Variants in IQSEC1 observed in about 807,000 individuals in gnomAD.
IQSEC1 encodes the protein IQ motif and SEC7 domain-containing protein 1.
In IQSEC1, 31 loss-of-function variants were observed where a neutral mutation model predicts 91.0. The observed-to-expected ratio is 0.34, with a 90% CI of 0.26 to 0.46. IQSEC1 has a LOEUF of 0.46. Ranked by LOEUF, IQSEC1 falls within the 20% of genes least tolerant of loss-of-function variation. The pLI, the probability that IQSEC1 is intolerant of heterozygous loss-of-function variation, is 1.00. For synonymous variants in IQSEC1, 699 were observed against 662.6 expected, an observed-to-expected ratio of 1.05 and a Z score of -0.84; for missense variants, 1,388 against 1,575.6, an observed-to-expected ratio of 0.88 and a Z score of 2.02.
In IQSEC1 at chr3:13,030,370, G is replaced by A. The variant is rs534087222; in HGVS notation, c.23+42622C>T. Among the ~76,000 whole-genome samples the A allele has an allele frequency of 4.6e-5, 7 of 152,196 alleles. No individual in the cohort carries two copies. The South Asian group carries it at 6.2e-4, about 13-fold the overall frequency. ...CTGCCTTGGCCTCCCAAAGTACCTG[G>A]ATTATAGGCATGAGCCACCACGCTC... is the stretch of plus-strand genomic sequence containing the variant. On this transcript the variant is annotated intron_variant, in intron 1 of 13. Transcript: ENST00000613206.
chr3:13,227,114 G>A (rs1464191302), intron 1 of IQSEC1, among the ~76,000 whole-genome samples: 14 of 151,762 alleles, frequency 9.2e-5, no homozygotes, highest in Admixed American at 3.9e-4. Flanking sequence ...GGTGGCTCAC[G>A]CCTGTAATCC....
rs2125578800 is a variant in IQSEC1, at chr3:12,979,100, T to G, written c.24-37235A>C. On this transcript the variant is annotated intron_variant, in intron 1 of 13. Coordinates refer to ENST00000613206, the MANE Select transcript of IQSEC1 (RefSeq NM_001134382.3). This position sits in a 1 kb window ranked among gnomAD's most constrained non-coding sequence, Gnocchi z 4.3. ...AAGCAGGAGTGGGAGTGACCTGGGT[T>G]TAGTTTTCCCAACAACCACATAGCA... is the stretch of plus-strand genomic sequence containing the variant. Among the ~76,000 whole-genome samples the G allele has an allele frequency of 6.6e-6, 1 of 152,294 alleles. No homozygotes were observed. The highest frequency in any genetic ancestry group is 3.4e-3 in the Middle Eastern group (1 of 294).
intron 1 of IQSEC1, among the ~76,000 whole-genome samples, chr3:13,192,287 G>A (rs1466363021): frequency 3.3e-5 from 5 of 150,020 alleles, no homozygotes; most frequent in Non-Finnish European, 7.4e-5. Context: ...GCAGTGAGTC[G>A]AGATCGCACC....
chr3:13,199,690 G>T (rs531286079), intron 1 of IQSEC1, among the ~76,000 whole-genome samples: 4 of 152,234 alleles, frequency 2.6e-5, no homozygotes, highest in African/African-American at 7.2e-5. Flanking sequence ...GGCCCCTGAG[G>T]CCCTTAGGAA....
chr3:13,224,206 C>A (rs1694714263), intron 1 of IQSEC1, among the ~76,000 whole-genome samples: 1 of 152,086 alleles, frequency 6.6e-6, no homozygotes, highest in Admixed American at 6.5e-5. Context: ...ACCTCACTAC[C>A]AGGAATGAGT....
chr3:12,958,953 CT>C (rs1334714740), intron 1 of IQSEC1, among the ~76,000 whole-genome samples: 1 of 152,232 alleles, frequency 6.6e-6, no homozygotes, highest in African/African-American at 2.4e-5. Flanking sequence ...TCTAGGATGA[CT>C]TTGGTATTCT....
At chr3:13,269,823 C>G (rs1012804208) in intron 1 of IQSEC1, among the ~76,000 whole-genome samples, 4 of 152,208 alleles carry the variant, frequency 2.6e-5, no homozygotes, top group Non-Finnish European at 4.4e-5. Flanking sequence ...GCAAATTGTC[C>G]CTCCTTCTCC....
At chr3:13,036,676 G>A (rs1178953655) in intron 1 of IQSEC1, among the ~76,000 whole-genome samples, 2 of 152,162 alleles carry the variant, frequency 1.3e-5, no homozygotes, top group Non-Finnish European at 2.9e-5. Flanking sequence ...AGGAAGCTCG[G>A]CCAGCTTCTC....
intron 5 of IQSEC1, among the ~76,000 whole-genome samples, chr3:12,921,486 T>G (rs906172684): frequency 1.3e-5 from 2 of 152,230 alleles, no homozygotes; most frequent in African/African-American, 4.8e-5. Context: ...AATGGATGAC[T>G]GCGTAGTGAC....
chr3:12,979,009 G>A lies in IQSEC1; in HGVS notation c.24-37144C>T, dbSNP rs913288562. The stretch of plus-strand genomic sequence containing the variant: ...TGCATCTACATGGGGCATGAAGTGT[G>A]GGGATGGGTGCGCTGTGGGGCATGA... On this transcript the variant is annotated intron_variant, in intron 1 of 13. Coordinates refer to ENST00000613206, the MANE Select transcript of IQSEC1 (RefSeq NM_001134382.3). This position sits in a 1 kb window ranked among gnomAD's most constrained non-coding sequence, Gnocchi z 4.3. 2.6e-5 allele frequency among the ~76,000 whole-genome samples: 4 copies of A among 152,208 alleles called. No homozygotes were observed. Among genetic ancestry groups the A allele is most frequent in the Admixed American group, 2.6e-4 (4 of 15,286 alleles).
chr3:13,115,740 C>T (rs1706324217), intron 2 of IQSEC1, among the ~76,000 whole-genome samples: 1 of 152,220 alleles, frequency 6.6e-6, no homozygotes, highest in South Asian at 2.1e-4. Context: ...TCTCCGGGCG[C>T]TGAATGCACG....
intron 1 of IQSEC1, among the ~76,000 whole-genome samples, chr3:13,268,013 G>T (rs1275948534): frequency 6.6e-6 from 1 of 152,178 alleles, no homozygotes; most frequent in Non-Finnish European, 1.5e-5. Context: ...TTTCACATTT[G>T]GGGGGATGGA....
chr3:12,917,127 T>C (rs919591429), intron 6 of IQSEC1, among the ~76,000 whole-genome samples: 7 of 152,038 alleles, frequency 4.6e-5, no homozygotes, highest in African/African-American at 9.7e-5. Flanking sequence ...CTCAGCAAAA[T>C]TGAGCAGAAG....
intron 1 of IQSEC1, among the ~76,000 whole-genome samples, chr3:12,995,708 G>T (rs1156811488): frequency 6.6e-6 from 1 of 152,174 alleles, no homozygotes. Context: ...GACGAATAAG[G>T]AACGGCCCAG....
chr3:13,068,097 G>A (rs1705295654), intron 1 of IQSEC1, among the ~76,000 whole-genome samples: 1 of 152,246 alleles, frequency 6.6e-6, no homozygotes, highest in Non-Finnish European at 1.5e-5. Context: ...GGGCACTTGG[G>A]AAAAGATGCT....
rs774549995 is a variant in IQSEC1 at position 12,915,109 on chromosome 3, C to T, written c.2185G>A (p.Gly729Ser). Reference protein sequence around the residue: ...KPIGSLHPGLGCVLSLPHRRL... With the variant: ...KPIGSLHPGLSCVLSLPHRRL... The stretch of plus-strand genomic sequence containing the variant: ...AAAACCAGAGAAATACTCACACAGC[C>T]GAGCCCGGGATGCAGGGATCCGATC... The change falls in exon 8 of 14, where the codon GGC (glycine) becomes AGC (serine). Residue 729 changes from glycine to serine, a missense_variant. Coordinates refer to ENST00000613206, the MANE Select transcript of IQSEC1 (RefSeq NM_001134382.3). 16 of 1,607,744 alleles carry T rather than the reference C, an allele frequency of 1.0e-5. No individual in the cohort carries two copies. In the African/African-American group the frequency reaches 1.1e-4, roughly 11 times the overall value.
chr3:13,206,443 A>G (rs1694347183), intron 1 of IQSEC1, among the ~76,000 whole-genome samples: 1 of 152,202 alleles, frequency 6.6e-6, no homozygotes, highest in Non-Finnish European at 1.5e-5. Flanking sequence ...AGACACCACG[A>G]TATGCCCATC....
At chr3:13,237,465 G>A (rs1694951556) in intron 1 of IQSEC1, among the ~76,000 whole-genome samples, 1 of 152,238 alleles carries the variant, frequency 6.6e-6, no homozygotes, top group Admixed American at 6.5e-5. Context: ...GTTCCTGCCA[G>A]TAAGCACACC....
At position 12,899,266 on chromosome 3, in the gene IQSEC1, G is replaced by A. The variant is rs947903499; in HGVS notation, c.*1717C>T. The A allele has an allele frequency of 1.8e-6, 2 of 1,100,086 alleles. No homozygotes were observed. The highest frequency in any genetic ancestry group is 2.6e-6 in the Non-Finnish European group (2 of 759,834). The allele number at this position is 1,100,086 out of a possible 1,614,324, so 68.1% of individuals were successfully genotyped here. A position where few individuals can be genotyped will look rare whatever the true frequency, so the allele number is the denominator to read the frequency against. ...CCCTCTCCTCCTGCCGTCCGGCCAC[G>A]GCTCACCACGCTGTCCACTGGGAAC... is the stretch of plus-strand genomic sequence containing the variant. On this transcript the variant is annotated 3_prime_UTR_variant, in exon 14 of 14. Transcript: ENST00000613206.
Sources: allele counts gnomAD v4.1 joint callset (sites outside exome capture counted in the v4.1 genomes callset), GRCh38; gene constraint gnomAD v4.1.1; non-coding constraint Gnocchi (gnomAD v3.1); transcripts MANE v1.5; gene names NCBI Gene and HGNC (gene_info 2026-07-23, HGNC 2026-07-21).